Variants in WAC observed in about 807,000 individuals in gnomAD.
WAC encodes WW domain-containing adapter protein with coiled-coil.
In WAC, 11 loss-of-function variants were observed where a neutral mutation model predicts 79.6. The observed-to-expected ratio is 0.14, with a 90% CI of 0.09 to 0.23. The LOEUF (loss-of-function observed/expected upper bound fraction) is 0.23, where lower values mean the gene tolerates loss of function less well. Among genes scored for constraint, WAC ranks in the 10% least tolerant of loss-of-function variants. WAC has a pLI of 1.00. For synonymous variants in WAC, 304 were observed against 276.9 expected, an observed-to-expected ratio of 1.10 and a Z score of -0.97; for missense variants, 728 against 773.5, an observed-to-expected ratio of 0.94 and a Z score of 0.70.
At chr10:28,553,348 C>G (rs332123) in intron 3 of WAC, among the ~76,000 whole-genome samples, 87,709 of 151,966 alleles carry the variant, frequency 0.58, 25,873 homozygotes, top group East Asian at 0.68. Context: ...TTGCCAGATA[C>G]AGTATTCATT....
chr10:28,617,784 G>T lies in WAC; in HGVS notation c.1874G>T (p.Arg625Met). 6.3e-7 allele frequency: 1 copy of T among 1,578,338 alleles called. No individual in the cohort carries two copies. The highest frequency in any genetic ancestry group is 2.0e-5 in the Admixed American group (1 of 50,124). ...CEIQATLREQ[R>M]ILFLRQQIKE... ...ATTCAAGCAACTTTGCGAGAGCAAA[G>T]GTAAGTCTTTCACTGAAATATATTT... The change falls in exon 13 of 14, where the codon AGG becomes ATG. Residue 625 changes from arginine (R) to methionine (M), a missense_variant and splice_region_variant. Around this residue, in one of 3 missense-constraint regions of WAC, gnomAD observed 66 missense variants for 78.9 expected, o/e 0.84. Coordinates refer to ENST00000354911, the MANE Select transcript of WAC (RefSeq NM_016628.5).
chr10:28,609,484 T>C (rs1035107210), intron 8 of WAC, among the ~76,000 whole-genome samples: 1 of 146,314 alleles, frequency 6.8e-6, no homozygotes, highest in East Asian at 1.9e-4. Context: ...AGTTGGTCAT[T>C]AGTCTGTTCT....
intron 3 of WAC, among the ~76,000 whole-genome samples, chr10:28,549,759 C>G (rs577987083): frequency 3.3e-5 from 5 of 152,092 alleles, no homozygotes; most frequent in Admixed American, 6.6e-5. Context: ...GATACATTTT[C>G]TTATCTAATG....
At chr10:28,535,405 C>G in intron 2 of WAC, 157 bp from the exon 3 acceptor site, 1 of 779,962 alleles carries the variant, frequency 1.3e-6, no homozygotes, top group East Asian at 3.7e-5. Flanking sequence ...GGTTTTTTGT[C>G]TGAGAAACTT....
intron 3 of WAC, among the ~76,000 whole-genome samples, chr10:28,563,764 T>A (rs1158268551): frequency 1.5e-5 from 2 of 137,496 alleles, no homozygotes; most frequent in Non-Finnish European, 3.2e-5. Context: ...TTTTTTTTTT[T>A]TTTTTTTTTG....
chr10:28,606,154 G>A (rs1284921548), intron 7 of WAC, among the ~76,000 whole-genome samples: 1 of 152,020 alleles, frequency 6.6e-6, no homozygotes, highest in African/African-American at 2.4e-5. Flanking sequence ...TGGCTCAGGT[G>A]GTTCTCCCAC....
chr10:28,616,952 A>G (rs1015026795), intron 12 of WAC, among the ~76,000 whole-genome samples: 6 of 152,170 alleles, frequency 3.9e-5, no homozygotes, highest in African/African-American at 1.4e-4. Context: ...GCATGGTGGC[A>G]TGCACCTGTA....
intron 13 of WAC, among the ~76,000 whole-genome samples, chr10:28,618,947 A>G (rs1249928299): frequency 1.3e-5 from 2 of 152,248 alleles, no homozygotes; most frequent in African/African-American, 2.4e-5. Context: ...ATAAAGTAAT[A>G]CATTTTAAGT....
chr10:28,594,796 C>T (rs1441645164), intron 6 of WAC, among the ~76,000 whole-genome samples: 2 of 152,096 alleles, frequency 1.3e-5, no homozygotes, highest in African/African-American at 2.4e-5. Flanking sequence ...CGTTTCTCTC[C>T]TTGGAGGTTA....
chr10:28,583,650 ATAT>A (rs895814856), intron 4 of WAC, 145 bp downstream of exon 4: 34 of 535,670 alleles, frequency 6.3e-5, no homozygotes, highest in East Asian at 3.4e-5. Flanking sequence ...TGTTTATTTG[ATAT>A]TATTATTATC....
intron 3 of WAC, among the ~76,000 whole-genome samples, chr10:28,577,324 G>T (rs762413552): frequency 1.3e-5 from 2 of 152,024 alleles, no homozygotes; most frequent in Non-Finnish European, 2.9e-5. Flanking sequence ...TTATCCTAAT[G>T]GTTTTTTTTG....
intron 3 of WAC, among the ~76,000 whole-genome samples, chr10:28,543,400 T>A (rs1837170119): frequency 6.6e-6 from 1 of 152,256 alleles, no homozygotes; most frequent in African/African-American, 2.4e-5. Context: ...TACTTTACAT[T>A]CCCTTTTTGG....
chr10:28,585,429 T>C (rs1839767619), intron 4 of WAC, among the ~76,000 whole-genome samples: 1 of 152,138 alleles, frequency 6.6e-6, no homozygotes, highest in Non-Finnish European at 1.5e-5. Flanking sequence ...GTCCCAGCTC[T>C]AGCATCACAG....
At chr10:28,532,856 G>C (rs762786643), upstream of WAC, 1 of 153,106 alleles carries the variant, frequency 6.5e-6, no homozygotes, top group African/African-American at 2.4e-5. Flanking sequence ...CGGAGCCCCT[G>C]AGATCAGCCT....
At chr10:28,614,525 G>C in intron 10 of WAC, 42 bp from the exon 11 acceptor site, 1 of 1,480,862 alleles carries the variant, frequency 6.8e-7, no homozygotes, top group Non-Finnish European at 9.4e-7. Flanking sequence ...GAGAGATGTG[G>C]ATTAGATTTG....
At chr10:28,602,888 A>G (rs1840708112) in intron 7 of WAC, among the ~76,000 whole-genome samples, 1 of 152,218 alleles carries the variant, frequency 6.6e-6, no homozygotes, top group African/African-American at 2.4e-5. Flanking sequence ...ATTATAAAGC[A>G]TTAAGAAGTT....
In WAC at chr10:28,621,006, CTTTT is replaced by C. The variant is rs11400714; in HGVS notation, c.*1406_*1409del. ...TATTGCTACTATAAAATTACCTTGACTTTTTTTTTCCTTTGCTGAAATATTAGTC... is the reference window on the plus strand; with the variant it reads ...TATTGCTACTATAAAATTACCTTGACTTTTTCCTTTGCTGAAATATTAGTC... On this transcript the variant is annotated 3_prime_UTR_variant, in exon 14 of 14. Coordinates refer to ENST00000354911, the MANE Select transcript of WAC (RefSeq NM_016628.5). 6.6e-6 allele frequency: 1 copy of C among 151,392 alleles called. No homozygotes were observed. The allele number at this position is 151,392 out of a possible 1,614,324, so 9.4% of individuals were successfully genotyped here. A position where few individuals can be genotyped will look rare whatever the true frequency, so the allele number is the denominator to read the frequency against.
chr10:28,540,402 T>C (rs1836945539), intron 3 of WAC, among the ~76,000 whole-genome samples: 1 of 152,216 alleles, frequency 6.6e-6, no homozygotes, highest in Admixed American at 6.5e-5. Context: ...CATTTTTGCT[T>C]TTATCCTGCT....
chr10:28,533,951 C>A (rs889656687), intron 1 of WAC, 47 bp from the exon 2 acceptor site: 27 of 1,602,108 alleles, frequency 1.7e-5, no homozygotes, highest in Non-Finnish European at 2.3e-5. Context: ...CCCGGCCCCC[C>A]ACCCGCGCCG....
Sources: allele counts gnomAD v4.1 joint callset (sites outside exome capture counted in the v4.1 genomes callset), GRCh38; gene constraint gnomAD v4.1.1; regional missense constraint gnomAD v4.1.1; transcripts MANE v1.5; gene names NCBI Gene and HGNC (gene_info 2026-07-23, HGNC 2026-07-21).